The following GAS2 variants were observed in gnomAD, a reference collection of about 807,000 sequenced individuals.
GAS2 encodes the protein growth arrest specific 2, also known as growth arrest-specific protein 2.
GAS2 carries 20 observed loss-of-function variants against 37.5 expected under a neutral mutation model. That is an observed-to-expected ratio of 0.53 (90% CI 0.37 to 0.77). The LOEUF (loss-of-function observed/expected upper bound fraction) is 0.77. Ranked by LOEUF, GAS2 falls within the 30% of genes least tolerant of loss-of-function variation. The pLI, the probability that GAS2 is intolerant of heterozygous loss-of-function variation, is 0.00. For missense variants in GAS2, 336 were observed against 373.4 expected (o/e 0.90, Z 0.82); for synonymous variants, 144 against 132.2 (o/e 1.09, Z -0.61).
intron 2 of GAS2, among the ~76,000 whole-genome samples, chr11:22,677,736 G>A (rs1051307996): frequency 1.2e-4 from 18 of 152,100 alleles, no homozygotes; most frequent in African/African-American, 4.3e-4. Flanking sequence ...AGGAGACCTG[G>A]CCTCTGGTTC....
intron 3 of GAS2, among the ~76,000 whole-genome samples, chr11:22,723,615 GC>G (rs1182616605): frequency 6.6e-6 from 1 of 151,832 alleles, no homozygotes; most frequent in Admixed American, 6.6e-5. Flanking sequence ...ATTTAGCAAG[GC>G]TGTAGCTATG....
At chr11:22,802,737 A>T (rs1437026696) in intron 7 of GAS2, among the ~76,000 whole-genome samples, 1 of 152,138 alleles carries the variant, frequency 6.6e-6, no homozygotes, top group Non-Finnish European at 1.5e-5. Flanking sequence ...ACAAACACCA[A>T]CATAGGACTA....
intron 7 of GAS2, among the ~76,000 whole-genome samples, chr11:22,761,976 T>C (rs1284241195): frequency 6.6e-6 from 1 of 152,142 alleles, no homozygotes; most frequent in Non-Finnish European, 1.5e-5. Flanking sequence ...TTGTTCAGCA[T>C]TTTCCAAATG....
rs1466662570 is a variant in GAS2, at chr11:22,789,299, T to TAC, written c.724-22498_724-22497insCA. Among the ~76,000 whole-genome samples the TAC allele has an allele frequency of 7.7e-3, 766 of 99,618 alleles. 8 individuals are homozygous for TAC. Among genetic ancestry groups the TAC allele is most frequent in the Admixed American group, 0.053 (471 of 8,968 alleles). The allele number at this position is 99,618 out of a possible 152,430, so 65.4% of individuals were successfully genotyped here. A position where few individuals can be genotyped will look rare whatever the true frequency, so the allele number is the denominator to read the frequency against. On this transcript the variant is annotated intron_variant, in intron 7 of 7. Transcript: ENST00000454584. ...TAGATTTCATATATATATATATATA[T>TAC]ATATACACACACACACACACACACA... is the stretch of plus-strand genomic sequence containing the variant.
intron 7 of GAS2, among the ~76,000 whole-genome samples, chr11:22,807,749 G>A (rs1046144401): frequency 1.3e-5 from 2 of 152,150 alleles, no homozygotes; most frequent in Non-Finnish European, 2.9e-5. Context: ...AAAATTAGGG[G>A]TTTATATAGC....
chr11:22,649,032 A>C (rs1239480852), intron 1 of GAS2, among the ~76,000 whole-genome samples: 1 of 152,232 alleles, frequency 6.6e-6, no homozygotes, highest in Non-Finnish European at 1.5e-5. Flanking sequence ...TTGCCCATTC[A>C]GTATGATATT....
chr11:22,725,679 C>T (rs1477307069), intron 3 of GAS2, among the ~76,000 whole-genome samples: 1 of 152,146 alleles, frequency 6.6e-6, no homozygotes, highest in East Asian at 1.9e-4. Context: ...CTGCCTCGGC[C>T]TCCCAGAGTG....
intron 7 of GAS2, among the ~76,000 whole-genome samples, chr11:22,811,266 C>T (rs538479396): frequency 6.6e-6 from 1 of 152,260 alleles, no homozygotes; most frequent in East Asian, 1.9e-4. Flanking sequence ...TCAAAAACAC[C>T]TTGCCTTCAA....
rs1359725486 is a variant in GAS2, at chr11:22,651,221, T to C, written c.-20-23629T>C. Among the ~76,000 whole-genome samples the C allele has an allele frequency of 3.9e-5, 6 of 152,308 alleles. No individual in the cohort carries two copies. The South Asian group carries it at 1.2e-3, about 32-fold the overall frequency. ...ATGAAATTCTGGGTTGAAAATTCTT[T>C]TCTTTAAGAATGTTGAATATTGGCC... is the stretch of plus-strand genomic sequence containing the variant. On this transcript the variant is annotated intron_variant, in intron 1 of 5. Coordinates refer to the GAS2 transcript ENST00000528582.
At chr11:22,654,919 C>G (rs1225744471) in intron 1 of GAS2, among the ~76,000 whole-genome samples, 1 of 151,916 alleles carries the variant, frequency 6.6e-6, no homozygotes, top group Admixed American at 6.6e-5. Flanking sequence ...AAATTTTCAT[C>G]AAAGAAAAAA....
chr11:22,712,809 G>C (rs1418547243), intron 3 of GAS2, among the ~76,000 whole-genome samples: 1 of 152,102 alleles, frequency 6.6e-6, no homozygotes, highest in Non-Finnish European at 1.5e-5. Context: ...GGGGGCAGTG[G>C]CTCATGCCTG....
intron 7 of GAS2, among the ~76,000 whole-genome samples, chr11:22,801,358 A>G (rs1856654815): frequency 6.6e-6 from 1 of 152,050 alleles, no homozygotes; most frequent in Non-Finnish European, 1.5e-5. Flanking sequence ...TAACATGGGA[A>G]AGTTAACTTA....
intron 3 of GAS2, among the ~76,000 whole-genome samples, chr11:22,690,295 G>T (rs1344633349): frequency 6.6e-6 from 1 of 152,092 alleles, no homozygotes; most frequent in Non-Finnish European, 1.5e-5. Flanking sequence ...ATAAATCCAT[G>T]ACTCTTTTAT....
intron 5 of GAS2, among the ~76,000 whole-genome samples, chr11:22,745,410 A>T (rs1028414046): frequency 2.0e-5 from 3 of 152,166 alleles, no homozygotes; most frequent in Non-Finnish European, 4.4e-5. Flanking sequence ...AGTATCCATA[A>T]GCAGAAGAAT....
chr11:22,756,049 G>T lies in GAS2; in HGVS notation c.723+96G>T, dbSNP rs1336485481. 9 of 791,854 alleles carry T rather than the reference G, an allele frequency of 1.1e-5. No individual in the cohort carries two copies. In the East Asian group the frequency reaches 2.1e-4, roughly 19 times the overall value. 49.1% of individuals were successfully genotyped at this position (791,854 alleles called of 1,614,324 possible). On this transcript the variant is annotated intron_variant, in intron 7 of 7. Coordinates refer to ENST00000454584, the MANE Select transcript of GAS2 (RefSeq NM_001143830.3). ...AGATAAGAGCAGGAACTTCCATATGGTGCTTACGTTTAAAGATACATGGTA... is the reference window on the plus strand; with the variant it reads ...AGATAAGAGCAGGAACTTCCATATGTTGCTTACGTTTAAAGATACATGGTA...
chr11:22,668,541 G>T (rs767928335), intron 1 of GAS2, among the ~76,000 whole-genome samples: 14,863 of 152,172 alleles, frequency 0.098, 1,098 homozygotes, highest in African/African-American at 0.19. Flanking sequence ...TGGGAAATAA[G>T]TTCACATGGC....
chr11:22,646,126 A>G (rs1393260574), intron 1 of GAS2, among the ~76,000 whole-genome samples: 1 of 152,094 alleles, frequency 6.6e-6, no homozygotes, highest in Non-Finnish European at 1.5e-5. Flanking sequence ...TACAGGCGTC[A>G]TTATTTACTG....
At chr11:22,647,564 C>T (rs1439403946) in intron 1 of GAS2, among the ~76,000 whole-genome samples, 2 of 152,224 alleles carry the variant, frequency 1.3e-5, no homozygotes, top group Non-Finnish European at 2.9e-5. Context: ...TCCTATTTCT[C>T]CGCATCCTCT....
Position 22,679,214 on chromosome 11 carries a change from C to T in GAS2, c.145+4200C>T, listed in dbSNP as rs374249432. On this transcript the variant is annotated intron_variant, in intron 2 of 7. Coordinates refer to ENST00000454584, the MANE Select transcript of GAS2 (RefSeq NM_001143830.3). ...CTGGCACCATGGAGCAGTTTTGTGA[C>T]CAACATTCAAAAAAGACAGCAAAAC... Among the ~76,000 whole-genome samples, 333 of 152,008 alleles carry T rather than the reference C, an allele frequency of 2.2e-3. 1 individual carries two copies. Among genetic ancestry groups the T allele is most frequent in the African/African-American group, 7.7e-3 (318 of 41,504 alleles).
Sources: allele counts gnomAD v4.1 joint callset (sites outside exome capture counted in the v4.1 genomes callset), GRCh38; gene constraint gnomAD v4.1.1; transcripts MANE v1.5; gene names NCBI Gene and HGNC (gene_info 2026-07-23, HGNC 2026-07-21).